Variants in XIRP2 observed in about 807,000 individuals in gnomAD.
XIRP2 encodes xin actin-binding repeat-containing protein 2.
In XIRP2, 236 loss-of-function variants were observed where a neutral mutation model predicts 277.0. The ratio of observed to expected loss-of-function variants is 0.85; its 90% CI spans 0.77 to 0.95. The LOEUF (loss-of-function observed/expected upper bound fraction) is 0.95. XIRP2 is among the 40% of genes least tolerant of loss of function. The probability of loss-of-function intolerance (pLI) is 0.00; values close to 1 mark genes in which losing one functional copy is unlikely to be tolerated. For synonymous variants in XIRP2, 1,490 were observed against 1,416.5 expected (o/e 1.05, Z -1.17); for missense variants, 4,640 against 4,157.5 (o/e 1.12, Z -3.19).
intron 2 of XIRP2, among the ~76,000 whole-genome samples, chr2:167,078,869 C>T (rs1457970872): frequency 6.6e-6 from 1 of 150,758 alleles, no homozygotes; most frequent in Non-Finnish European, 1.5e-5. Context: ...TGGCAAAAAT[C>T]ACAATGACTT....
At position 167,246,683 on chromosome 2, in the gene XIRP2, A is replaced by C. The variant is rs374891512; in HGVS notation, c.5291A>C (p.Glu1764Ala). Residue 1764 changes from glutamate to alanine, a missense_variant, in exon 9 of 11, where the codon GAG (glutamate) becomes GCG (alanine). By Grantham distance (107) the Glu-to-Ala change is moderately radical. Coordinates refer to ENST00000409195, the MANE Select transcript of XIRP2 (RefSeq NM_152381.6). ...GATTATCTGAAACAACTCCACACAG[A>C]GTCAAATGAAACACTGACAGCTAAG... The part of the protein sequence containing the change: ...ALDYLKQLHT[E>A]SNETLTAKKQ... 145 of 1,613,664 alleles carry C rather than the reference A, an allele frequency of 9.0e-5. 1 individual carries two copies. The Admixed American group carries it at 2.3e-3, about 26-fold the overall frequency.
chr2:167,206,483 G>A (rs1016952930), intron 3 of XIRP2, among the ~76,000 whole-genome samples: 15 of 151,760 alleles, frequency 9.9e-5, no homozygotes, highest in Middle Eastern at 3.4e-3. Flanking sequence ...TTCTTTTCTC[G>A]TCTTTGACAG....
chr2:167,154,363 G>A (rs1333291693), intron 3 of XIRP2, among the ~76,000 whole-genome samples: 1 of 151,396 alleles, frequency 6.6e-6, no homozygotes. Context: ...TAGGTTGCCT[G>A]TTCACTCTGA....
chr2:167,013,947 A>G (rs1687753268), intron 2 of XIRP2, among the ~76,000 whole-genome samples: 1 of 151,128 alleles, frequency 6.6e-6, no homozygotes, highest in South Asian at 2.1e-4. Flanking sequence ...TTTACAGGGG[A>G]GTGAGGACTT....
chr2:166,985,716 A>T lies in XIRP2; in HGVS notation c.408+81826A>T, dbSNP rs138193974. 6.3e-3 allele frequency among the ~76,000 whole-genome samples: 959 copies of T among 152,148 alleles called. 15 individuals carry two copies. Among genetic ancestry groups the T allele is most frequent in the African/African-American group, 0.022 (909 of 41,534 alleles). On this transcript the variant is annotated intron_variant, in intron 2 of 10. Transcript: ENST00000409195. ...AGTGCTGGGATTACAGGCATGAGCC[A>T]CCGCGCCCGGCCTAAAAATATTTTC... is the stretch of plus-strand genomic sequence containing the variant.
At chr2:167,074,499 A>G (rs1363293674) in intron 2 of XIRP2, among the ~76,000 whole-genome samples, 4 of 152,186 alleles carry the variant, frequency 2.6e-5, no homozygotes, top group Admixed American at 1.3e-4. Context: ...CAAATTATTT[A>G]TTGCATTCAT....
chr2:167,093,194 T>A (rs1170944347), intron 2 of XIRP2, among the ~76,000 whole-genome samples: 2 of 151,800 alleles, frequency 1.3e-5, no homozygotes, highest in Admixed American at 1.3e-4. Context: ...AGAACATAAT[T>A]GAGGTCTATA....
chr2:167,092,628 A>C (rs11888129), intron 2 of XIRP2, among the ~76,000 whole-genome samples: 2,600 of 152,224 alleles, frequency 0.017, 92 homozygotes, highest in African/African-American at 0.06. Context: ...TGAACACTAT[A>C]ATGATTCTTG....
At chr2:167,049,934 A>G (rs932355964) in intron 2 of XIRP2, among the ~76,000 whole-genome samples, 39 of 152,180 alleles carry the variant, frequency 2.6e-4, no homozygotes, top group African/African-American at 8.9e-4. Flanking sequence ...TATTTACAAG[A>G]TAAAGAATTT....
chr2:167,244,770 T>C lies in XIRP2; in HGVS notation c.3378T>C (p.Thr1126=). 6.2e-7 allele frequency: 1 copy of C among 1,613,414 alleles called. No individual in the cohort carries two copies. Among genetic ancestry groups the C allele is most frequent in the Non-Finnish European group, 8.5e-7 (1 of 1,179,722 alleles). The part of the protein sequence containing the change: ...SEEIHKGDVK[T]CTWLFETQPL... Reference sequence around the variant, plus strand: ...AAATTCATAAGGGAGATGTCAAAACTTGTACTTGGCTCTTTGAAACTCAGC... The same window carrying C: ...AAATTCATAAGGGAGATGTCAAAACCTGTACTTGGCTCTTTGAAACTCAGC... The change falls in exon 9 of 11, where the codon ACT becomes ACC. Residue 1126 remains threonine, a synonymous_variant. Transcript: ENST00000409195.
chr2:166,963,311 T>C (rs552271202), intron 2 of XIRP2, among the ~76,000 whole-genome samples: 2 of 151,804 alleles, frequency 1.3e-5, no homozygotes, highest in Non-Finnish European at 2.9e-5. Context: ...TCCTCTCATT[T>C]ATTCATTCAT....
chr2:167,131,957 A>T lies in XIRP2; in HGVS notation c.409-3952A>T, dbSNP rs145807078. ...CACAATCCATTTTGTTGTGCATGCC[A>T]TAGAGAAAAATTAAATTCTCTCCCA... is the stretch of plus-strand genomic sequence containing the variant. On this transcript the variant is annotated intron_variant, in intron 2 of 10. Coordinates refer to ENST00000409195, the MANE Select transcript of XIRP2 (RefSeq NM_152381.6). Among the ~76,000 whole-genome samples the T allele has an allele frequency of 3.0e-3, 455 of 152,236 alleles. 4 individuals are homozygous for T. The highest frequency in any genetic ancestry group is 0.011 in the African/African-American group (437 of 41,552).
At position 167,254,109 on chromosome 2, in the gene XIRP2, C is replaced by T. The variant is rs1013476725; in HGVS notation, c.10633C>T (p.Gln3545Ter). 2 of 1,610,712 alleles carry T rather than the reference C, an allele frequency of 1.2e-6. No homozygotes were observed. Among genetic ancestry groups the T allele is most frequent in the African/African-American group, 1.3e-5 (1 of 74,738 alleles). The change falls in exon 10 of 11, where the codon CAA becomes TAA. Residue 3545 changes from glutamine to a stop codon, truncating the protein, a stop_gained. Transcript: ENST00000409195. LOFTEE classifies it high-confidence loss of function. ...SLSNGVPSGR[Q>*]AEFS ...ATCCAATGGAGTGCCTAGTGGCAGA[C>T]AAGCAGAATTTTCATAAGTCCTGCT...
At chr2:166,982,313 A>AC (rs1344539942) in intron 2 of XIRP2, among the ~76,000 whole-genome samples, 1 of 134,704 alleles carries the variant, frequency 7.4e-6, no homozygotes, top group African/African-American at 3.0e-5. Context: ...ATGTTTAGGT[A>AC]CAGTTTTTTT....
intron 2 of XIRP2, among the ~76,000 whole-genome samples, chr2:167,090,374 A>G (rs1000434839): frequency 6.6e-6 from 1 of 152,084 alleles, no homozygotes; most frequent in Non-Finnish European, 1.5e-5. Flanking sequence ...CTCTTTAAAT[A>G]TTGCTTTCTG....
intron 2 of XIRP2, among the ~76,000 whole-genome samples, chr2:167,040,011 C>G (rs1688620196): frequency 6.6e-6 from 1 of 151,936 alleles, no homozygotes; most frequent in Non-Finnish European, 1.5e-5. Context: ...ATGAAAAATA[C>G]AAAATACGGT....
chr2:167,245,530 C>A lies in XIRP2; in HGVS notation c.4138C>A (p.Gln1380Lys). Residue 1380 changes from glutamine (Q) to lysine (K), a missense_variant, in exon 9 of 11, where the codon CAG becomes AAG. Physicochemically the swap from Gln to Lys is moderately conservative, Grantham distance 53. Coordinates refer to ENST00000409195, the MANE Select transcript of XIRP2 (RefSeq NM_152381.6). ...VIKSVTQEDIQKGDVSSVRYR... is the reference protein window; with the variant it reads ...VIKSVTQEDIKKGDVSSVRYR... ...TAAATCTGTCACACAAGAAGACATTCAGAAGGGAGATGTTAGTTCTGTCAG... is the reference window on the plus strand; with the variant it reads ...TAAATCTGTCACACAAGAAGACATTAAGAAGGGAGATGTTAGTTCTGTCAG... The A allele has an allele frequency of 6.2e-7, 1 of 1,613,540 alleles. No individual in the cohort carries two copies. Among genetic ancestry groups the A allele is most frequent in the South Asian group, 1.1e-5 (1 of 91,056 alleles).
intron 2 of XIRP2, among the ~76,000 whole-genome samples, chr2:167,106,682 C>G (rs1690627252): frequency 6.6e-6 from 1 of 151,470 alleles, no homozygotes; most frequent in African/African-American, 2.4e-5. Flanking sequence ...CTTTGCTTTC[C>G]ATATGAATTC....
At position 167,247,601 on chromosome 2, in the gene XIRP2, G is replaced by A. The variant is rs1222126825; in HGVS notation, c.6209G>A (p.Gly2070Glu). ...ACGGGTGTCTGGACTGATACTACAGGAGAACAGCATCTTAGAGATGAATAT... is the reference window on the plus strand; with the variant it reads ...ACGGGTGTCTGGACTGATACTACAGAAGAACAGCATCTTAGAGATGAATAT... Reference protein sequence around the residue: ...DKTGVWTDTTGEQHLRDEYMS... With the variant: ...DKTGVWTDTTEEQHLRDEYMS... Residue 2070 changes from glycine (G) to glutamate (E), a missense_variant, in exon 9 of 11, where the codon GGA becomes GAA. Physicochemically the swap from Gly to Glu is moderately conservative, Grantham distance 98. Transcript: ENST00000409195. The A allele has an allele frequency of 6.2e-7, 1 of 1,613,686 alleles. No individual in the cohort carries two copies. The highest frequency in any genetic ancestry group is 1.1e-5 in the South Asian group (1 of 91,080).
Sources: allele counts gnomAD v4.1 joint callset (sites outside exome capture counted in the v4.1 genomes callset), GRCh38; gene constraint gnomAD v4.1.1; transcripts MANE v1.5; gene names NCBI Gene and HGNC (gene_info 2026-07-23, HGNC 2026-07-21).